The following ADAMTS6 variants were observed in gnomAD, a reference collection of about 807,000 sequenced individuals.
The protein encoded by ADAMTS6 is ADAM metallopeptidase with thrombospondin type 1 motif 6.
Under a neutral mutation model 144.3 loss-of-function variants are expected in ADAMTS6, and 23 were observed. The ratio of observed to expected loss-of-function variants is 0.16; its 90% CI spans 0.11 to 0.23. The LOEUF is 0.23. Ranked by LOEUF, ADAMTS6 falls within the 10% of genes least tolerant of loss-of-function variation. ADAMTS6 has a pLI of 1.00. For synonymous variants in ADAMTS6, 444 were observed against 457.5 expected (o/e 0.97, Z 0.38); for missense variants, 999 against 1,379.6 (o/e 0.72, Z 4.37).
chr5:65,157,352 G>A (rs1312205352), intron 24 of ADAMTS6, among the ~76,000 whole-genome samples: 1 of 152,194 alleles, frequency 6.6e-6, no homozygotes, highest in Non-Finnish European at 1.5e-5. Context: ...AATTTAGAAT[G>A]CAATTAGATT....
chr5:65,215,674 G>T (rs1756864528), intron 18 of ADAMTS6, among the ~76,000 whole-genome samples, 187 bp from the exon 19 acceptor site: 1 of 152,152 alleles, frequency 6.6e-6, no homozygotes, highest in African/African-American at 2.4e-5. Context: ...TATTACTTAA[G>T]TATTTATAAT....
chr5:65,453,759 C>T (rs1758949563), intron 4 of ADAMTS6, among the ~76,000 whole-genome samples: 3 of 152,146 alleles, frequency 2.0e-5, no homozygotes, highest in South Asian at 2.1e-4. Context: ...CTTCCACATC[C>T]TTATATTGAA....
At position 65,452,733 on chromosome 5, in the gene ADAMTS6, G is replaced by A; in HGVS notation, c.817C>T (p.His273Tyr). 6.2e-7 allele frequency: 1 copy of A among 1,614,062 alleles called. No homozygotes were observed. Among genetic ancestry groups the A allele is most frequent in the East Asian group, 2.2e-5 (1 of 44,878 alleles). The change falls in exon 5 of 25, where the codon CAT becomes TAT. Residue 273 changes from histidine (H) to tyrosine (Y), a missense_variant. By Grantham distance (83) the His-to-Tyr change is moderately conservative (BLOSUM62 2). Coordinates refer to ENST00000381055, the MANE Select transcript of ADAMTS6 (RefSeq NM_197941.4). ...ATATTCATCACACTCAAAATGTAAT[G>A]TTCAATGTCTTTGCGGCCATGGTAG... is the stretch of plus-strand genomic sequence containing the variant. ...VGYHGRKDIE[H>Y]YILSVMNIVA...
chr5:65,478,393 T>A (rs1028769734), intron 1 of ADAMTS6, among the ~76,000 whole-genome samples: 3 of 152,160 alleles, frequency 2.0e-5, no homozygotes, highest in Non-Finnish European at 4.4e-5. Flanking sequence ...AGCAGAAACA[T>A]CATTATGTTG....
At chr5:65,460,444 G>T in intron 3 of ADAMTS6, 106 bp from the exon 4 acceptor site, 1 of 948,910 alleles carries the variant, frequency 1.1e-6, no homozygotes, top group Non-Finnish European at 1.5e-6. Flanking sequence ...CATTTACAGG[G>T]TTAAAACACG....
intron 15 of ADAMTS6, among the ~76,000 whole-genome samples, chr5:65,232,069 C>G (rs770406172): frequency 6.6e-6 from 1 of 152,128 alleles, no homozygotes; most frequent in Non-Finnish European, 1.5e-5. Context: ...CAAGATTGCA[C>G]CACTGCCCTC....
chr5:65,471,875 C>A (rs1461242692), intron 2 of ADAMTS6, among the ~76,000 whole-genome samples: 1 of 152,076 alleles, frequency 6.6e-6, no homozygotes, highest in African/African-American at 2.4e-5. Context: ...TGGAGTTAAC[C>A]ATATGATCCA....
chr5:65,455,468 A>G (rs1759111770), intron 4 of ADAMTS6, among the ~76,000 whole-genome samples: 1 of 152,028 alleles, frequency 6.6e-6, no homozygotes, highest in African/African-American at 2.4e-5. Context: ...CTTGAACCTG[A>G]GAGACAGAGG....
chr5:65,386,097 T>G (rs1752454824), intron 7 of ADAMTS6, among the ~76,000 whole-genome samples: 1 of 152,230 alleles, frequency 6.6e-6, no homozygotes, highest in African/African-American at 2.4e-5. Context: ...TCTACCAGAA[T>G]TATGAGTCCT....
intron 15 of ADAMTS6, among the ~76,000 whole-genome samples, chr5:65,236,217 T>C (rs905240019): frequency 2.6e-5 from 4 of 152,226 alleles, no homozygotes; most frequent in African/African-American, 7.2e-5. Flanking sequence ...TAGATATCTA[T>C]AGAACACTAT....
chr5:65,420,528 T>C (rs1034372822), intron 7 of ADAMTS6, among the ~76,000 whole-genome samples: 4 of 152,084 alleles, frequency 2.6e-5, no homozygotes, highest in Admixed American at 6.5e-5. Context: ...GTTACAGGCA[T>C]GCATCACCAC....
Position 65,213,506 on chromosome 5 carries a change from G to A in ADAMTS6, c.2575+1288C>T, listed in dbSNP as rs148562577. ...AAATTTTTAAAATTAGCCAGGTGTGGTGGCGTGCTCCCTAGCTACTCAGAA... is the reference window on the plus strand; with the variant it reads ...AAATTTTTAAAATTAGCCAGGTGTGATGGCGTGCTCCCTAGCTACTCAGAA... On this transcript the variant is annotated intron_variant, in intron 20 of 24. Transcript: ENST00000381055. Among the ~76,000 whole-genome samples the A allele has an allele frequency of 3.2e-3, 490 of 152,020 alleles. 2 individuals are homozygous for A. Among genetic ancestry groups the A allele is most frequent in the Middle Eastern group, 0.014 (4 of 294 alleles).
chr5:65,205,267 A>G (rs989535636), intron 20 of ADAMTS6, among the ~76,000 whole-genome samples: 6 of 152,330 alleles, frequency 3.9e-5, no homozygotes, highest in African/African-American at 1.2e-4. Context: ...TCCGTAAAAC[A>G]TAAGTCTCAG....
chr5:65,285,338 G>A (rs1281426824), intron 11 of ADAMTS6, among the ~76,000 whole-genome samples: 2 of 151,896 alleles, frequency 1.3e-5, no homozygotes, highest in Non-Finnish European at 1.5e-5. Flanking sequence ...ACAGGCTCTC[G>A]GTCTTCCCAA....
intron 10 of ADAMTS6, among the ~76,000 whole-genome samples, chr5:65,293,155 A>T (rs745924001): frequency 3.7e-4 from 57 of 152,224 alleles, no homozygotes; most frequent in Non-Finnish European, 7.2e-4. Flanking sequence ...CATTTTGATT[A>T]GGATATTGGT....
intron 9 of ADAMTS6, among the ~76,000 whole-genome samples, chr5:65,308,442 T>C (rs1382451651): frequency 6.6e-6 from 1 of 152,028 alleles, no homozygotes; most frequent in Non-Finnish European, 1.5e-5. Flanking sequence ...GAAAACTAAC[T>C]ATAAAATTGT....
intron 7 of ADAMTS6, among the ~76,000 whole-genome samples, chr5:65,340,723 C>T (rs950878124): frequency 7.3e-5 from 11 of 151,576 alleles, no homozygotes; most frequent in Admixed American, 6.6e-4. Context: ...AAGAAACACA[C>T]TTCACCTGTA....
At chr5:65,383,920 A>G (rs1752261557) in intron 7 of ADAMTS6, among the ~76,000 whole-genome samples, 2 of 152,186 alleles carry the variant, frequency 1.3e-5, no homozygotes, top group African/African-American at 4.8e-5. Context: ...ATGCTACTGC[A>G]TGAACACCAG....
intron 1 of ADAMTS6, among the ~76,000 whole-genome samples, chr5:65,475,085 T>C (rs1580796355): frequency 6.6e-6 from 1 of 152,220 alleles, no homozygotes; most frequent in Non-Finnish European, 1.5e-5. Flanking sequence ...AATTTTCACA[T>C]AATAAATTCT....
Sources: allele counts gnomAD v4.1 joint callset (sites outside exome capture counted in the v4.1 genomes callset), GRCh38; gene constraint gnomAD v4.1.1; transcripts MANE v1.5; gene names NCBI Gene and HGNC (gene_info 2026-07-23, HGNC 2026-07-21).